DDX60L: variants seen among roughly 807,000 people sequenced by gnomAD.
DDX60L encodes the protein probable ATP-dependent RNA helicase DDX60-like.
DDX60L carries 191 observed loss-of-function variants against 211.6 expected under a neutral mutation model. The ratio of observed to expected loss-of-function variants is 0.90; its 90% CI spans 0.80 to 1.02. DDX60L has a LOEUF of 1.02. DDX60L is among the 50% of genes least tolerant of loss of function. The pLI is 0.00. For missense variants in DDX60L, 2,007 were observed against 1,984.1 expected, an observed-to-expected ratio of 1.01 and a Z score of -0.22; for synonymous variants, 706 against 694.1, an observed-to-expected ratio of 1.02 and a Z score of -0.27.
rs370925841 is a variant in DDX60L, at chr4:168,361,604, G to A, written c.4929-393C>T. Reference sequence around the variant, plus strand: ...AGAACTAGACCTAAGAAAAACAGATGTAGCTCAAGATTTGTCAAGAATAGG... The same window carrying A: ...AGAACTAGACCTAAGAAAAACAGATATAGCTCAAGATTTGTCAAGAATAGG... On this transcript the variant is annotated intron_variant, in intron 36 of 37. Coordinates refer to ENST00000682922, the MANE Select transcript of DDX60L (RefSeq NM_001012967.3). Among the ~76,000 whole-genome samples the A allele has an allele frequency of 5.9e-5, 9 of 152,292 alleles. 1 individual carries two copies. Among genetic ancestry groups the A allele is most frequent in the African/African-American group, 2.2e-4 (9 of 41,568 alleles).
At chr4:168,428,296 C>T (rs145565835) in intron 13 of DDX60L, among the ~76,000 whole-genome samples, 110 of 152,098 alleles carry the variant, frequency 7.2e-4, no homozygotes, top group Middle Eastern at 6.8e-3. Context: ...GGAGAGAGAC[C>T]CAACAGCAGT....
intron 22 of DDX60L, among the ~76,000 whole-genome samples, chr4:168,408,263 G>C (rs997170531): frequency 6.6e-6 from 1 of 152,108 alleles, no homozygotes; most frequent in African/African-American, 2.4e-5. Context: ...TCTAAAATGG[G>C]AATAATTATC....
In DDX60L at chr4:168,371,795, C is replaced by T. The variant is rs866179512; in HGVS notation, c.4777-32G>A. ...AAAGACATTTTCTATTACTTCATTA[C>T]TGATATGTAAAGAGTAACTGTTTGC... On this transcript the variant is annotated intron_variant, in intron 35 of 37. Coordinates refer to ENST00000682922, the MANE Select transcript of DDX60L (RefSeq NM_001012967.3). 8 of 1,567,142 alleles carry T rather than the reference C, an allele frequency of 5.1e-6. No homozygotes were observed. The Middle Eastern group carries it at 6.8e-4, about 134-fold the overall frequency.
chr4:168,478,520 G>T (rs1759923623), intron 1 of DDX60L, among the ~76,000 whole-genome samples: 1 of 152,126 alleles, frequency 6.6e-6, no homozygotes, highest in South Asian at 2.1e-4. Flanking sequence ...TATAAAAAAG[G>T]GTGATATCAG....
At chr4:168,442,726 C>T (rs1164478333) in intron 9 of DDX60L, among the ~76,000 whole-genome samples, 21 of 151,478 alleles carry the variant, frequency 1.4e-4, no homozygotes, top group Admixed American at 4.6e-4. Context: ...ACCCCTGACC[C>T]CCGAGCAGCC....
intron 14 of DDX60L, among the ~76,000 whole-genome samples, chr4:168,424,635 T>C (rs1482666847): frequency 1.3e-5 from 2 of 152,086 alleles, no homozygotes; most frequent in Admixed American, 6.6e-5. Context: ...AATGGAGTCA[T>C]AGAAGCAGTG....
intron 36 of DDX60L, among the ~76,000 whole-genome samples, chr4:168,366,606 T>C (rs1003056730): frequency 1.3e-4 from 16 of 124,408 alleles, no homozygotes; most frequent in African/African-American, 3.5e-4. Context: ...ACCAATGACA[T>C]TTTTTACAAA....
intron 29 of DDX60L, chr4:168,390,447 C>T: frequency 2.2e-6 from 3 of 1,346,108 alleles, no homozygotes; most frequent in Non-Finnish European, 2.8e-6. Flanking sequence ...CAGCAACATC[C>T]TAAAAGGTCA....
chr4:168,471,652 T>C (rs7670367), intron 4 of DDX60L, 95 bp downstream of exon 4: 415,726 of 958,524 alleles, frequency 0.43, 92,948 homozygotes, highest in South Asian at 0.5. Context: ...TTTTCTATGA[T>C]GACATGCTTC....
At chr4:168,401,023 T>A in intron 25 of DDX60L, 45 bp from the exon 26 acceptor site, 1 of 1,565,644 alleles carries the variant, frequency 6.4e-7, no homozygotes, top group South Asian at 1.2e-5. Flanking sequence ...TATGTTTCTA[T>A]CCATATTGTA....
rs1751606945 is a variant in DDX60L at position 168,427,258 on chromosome 4, T to C, written c.1742A>G (p.Asn581Ser). 6.2e-7 allele frequency: 1 copy of C among 1,613,742 alleles called. No individual in the cohort carries two copies. Among genetic ancestry groups the C allele is most frequent in the African/African-American group, 1.3e-5 (1 of 74,940 alleles). ...CAGATCATCGTTTTGCTGAGCTTTG[T>C]TCTGATCTTCTTTGAGAAATGACTT... is the stretch of plus-strand genomic sequence containing the variant. The part of the protein sequence containing the change: ...KKKSFLKEDQ[N>S]KAQQNDDLLF... Residue 581 changes from asparagine to serine, a missense_variant, in exon 14 of 38, where the codon AAC becomes AGC. Transcript: ENST00000682922.
At position 168,370,359 on chromosome 4, in the gene DDX60L, G is replaced by A. The variant is rs188176000; in HGVS notation, c.4928+1253C>T. Among the ~76,000 whole-genome samples, 54 of 152,170 alleles carry A rather than the reference G, an allele frequency of 3.5e-4. No homozygotes were observed. The East Asian group carries it at 9.6e-3, about 27-fold the overall frequency. ...TTGCATGATATCACTCACATGTAAA[G>A]TTTAAAAAGAAGAAAAATTAATACA... On this transcript the variant is annotated intron_variant, in intron 36 of 37. Coordinates refer to ENST00000682922, the MANE Select transcript of DDX60L (RefSeq NM_001012967.3).
Position 168,375,455 on chromosome 4 carries a change from C to T in DDX60L, c.4555G>A (p.Asp1519Asn), listed in dbSNP as rs373219774. The change falls in exon 34 of 38, where the codon GAT (aspartate) becomes AAT (asparagine). Residue 1519 changes from aspartate to asparagine, a missense_variant. Asp to Asn is a conservative substitution (Grantham distance 23). Transcript: ENST00000682922. ...LYEYNLAVMK[D>N]FASFLLIASK... ...GCAATCAGCAGGAAGGAGGCAAAAT[C>T]CTTCATTACTGCCAGGTTATACTCA... The T allele has an allele frequency of 1.8e-5, 29 of 1,612,870 alleles. No homozygotes were observed. Among genetic ancestry groups the T allele is most frequent in the South Asian group, 1.5e-4 (14 of 90,864 alleles).
intron 1 of DDX60L, among the ~76,000 whole-genome samples, chr4:168,478,788 A>G (rs1000669886): frequency 1.4e-4 from 21 of 152,260 alleles, no homozygotes; most frequent in African/African-American, 5.1e-4. Flanking sequence ...CATATAATTT[A>G]TAAGCAACCA....
In DDX60L at chr4:168,433,093, A is replaced by G; in HGVS notation, c.1317T>C (p.Pro439=). ...VIQEISLEKM[P]SVGFIPMTSA... is the part of the protein sequence containing the mutation. The stretch of plus-strand genomic sequence containing the variant: ...ATGTCATTGGAATAAAGCCCACACT[A>G]GGCATCTTTTCCAAGGAGATTTCTG... The change falls in exon 11 of 38, where the codon CCT becomes CCC. Residue 439 remains proline, a synonymous_variant. Transcript: ENST00000682922. 6.2e-7 allele frequency: 1 copy of G among 1,606,612 alleles called. No homozygotes were observed. Among genetic ancestry groups the G allele is most frequent in the Non-Finnish European group, 8.5e-7 (1 of 1,175,744 alleles).
rs370894056 is a variant in DDX60L at position 168,461,817 on chromosome 4, A to C, written c.488T>G (p.Ile163Arg). ...LQTYLFNFLI[I>R]HSWGMKVNVV... ...ATTGACTTTCATTCCCCAGGAATGT[A>C]TGATTAGGAAGTTAAAAAGGTACGT... Residue 163 changes from isoleucine to arginine, a missense_variant, in exon 5 of 38, where the codon ATA (isoleucine) becomes AGA (arginine). Ile to Arg is a moderately conservative substitution (Grantham distance 97, BLOSUM62 -3). Coordinates refer to ENST00000682922, the MANE Select transcript of DDX60L (RefSeq NM_001012967.3). The C allele has an allele frequency of 1.9e-6, 3 of 1,607,244 alleles. No homozygotes were observed. Among genetic ancestry groups the C allele is most frequent in the Non-Finnish European group, 8.5e-7 (1 of 1,176,092 alleles).
chr4:168,421,403 T>C (rs771979886), intron 17 of DDX60L, among the ~76,000 whole-genome samples: 9 of 152,218 alleles, frequency 5.9e-5, no homozygotes, highest in Non-Finnish European at 1.3e-4. Flanking sequence ...CTCACGCCTG[T>C]AATCCCAACA....
intron 30 of DDX60L, among the ~76,000 whole-genome samples, chr4:168,381,346 T>C (rs1742918757): frequency 1.3e-5 from 2 of 152,064 alleles, no homozygotes; most frequent in Non-Finnish European, 2.9e-5. Context: ...AGGTCATAGC[T>C]CACTGCAACC....
At chr4:168,425,654 C>T (rs1303769477) in intron 14 of DDX60L, among the ~76,000 whole-genome samples, 1 of 152,084 alleles carries the variant, frequency 6.6e-6, no homozygotes, top group African/African-American at 2.4e-5. Context: ...CCCAGCTACT[C>T]AGGAGGCTAA....
Sources: gnomAD v4.1 joint callset for allele counts (sites outside exome capture counted in the v4.1 genomes callset) on GRCh38, gnomAD v4.1.1 for gene constraint, MANE v1.5 for transcripts, NCBI Gene and HGNC (gene_info 2026-07-23, HGNC 2026-07-21) for gene names.